The following APP variants were observed in gnomAD, a reference collection of about 807,000 sequenced individuals.
APP encodes the protein amyloid-beta precursor protein.
In APP, 31 loss-of-function variants were observed where a neutral mutation model predicts 101.4. The ratio of observed to expected loss-of-function variants is 0.31; its 90% CI spans 0.23 to 0.41. The LOEUF (loss-of-function observed/expected upper bound fraction) is 0.41, where lower values mean the gene tolerates loss of function less well. Ranked by LOEUF, APP falls within the 10% of genes least tolerant of loss-of-function variation. The pLI is 1.00. For missense variants in APP, 839 were observed against 1,003.7 expected (o/e 0.84, Z 2.22); for synonymous variants, 366 against 364.4 (o/e 1.00, Z -0.05).
intron 14 of APP, among the ~76,000 whole-genome samples, chr21:25,908,652 A>G (rs1336732648): frequency 1.3e-5 from 2 of 151,412 alleles, no homozygotes; most frequent in Non-Finnish European, 2.9e-5. Context: ...TCATCTTGAG[A>G]CAGGCTGATA....
intron 5 of APP, among the ~76,000 whole-genome samples, chr21:26,050,325 G>A (rs2045786154): frequency 6.6e-6 from 1 of 152,168 alleles, no homozygotes; most frequent in Admixed American, 6.5e-5. Context: ...GCCTGAACCA[G>A]ATGGCATTTC....
chr21:26,050,327 T>G (rs1308093480), intron 5 of APP, among the ~76,000 whole-genome samples: 2 of 152,194 alleles, frequency 1.3e-5, no homozygotes, highest in Non-Finnish European at 2.9e-5. Flanking sequence ...CTGAACCAGA[T>G]GGCATTTCCA....
At chr21:26,108,987 C>A (rs949040204) in intron 2 of APP, among the ~76,000 whole-genome samples, 1 of 152,162 alleles carries the variant, frequency 6.6e-6, no homozygotes, top group Non-Finnish European at 1.5e-5. Context: ...AAATGGCTCA[C>A]AAGGTATGAT....
At chr21:26,160,021 C>G (rs1156499323) in intron 1 of APP, among the ~76,000 whole-genome samples, 1 of 152,136 alleles carries the variant, frequency 6.6e-6, no homozygotes, top group African/African-American at 2.4e-5. Flanking sequence ...TTGTCCTGGA[C>G]AGCTCTAATG....
chr21:26,095,281 C>T (rs1240509370), intron 2 of APP, among the ~76,000 whole-genome samples: 1 of 152,228 alleles, frequency 6.6e-6, no homozygotes, highest in African/African-American at 2.4e-5. Context: ...GCCCAGCCAA[C>T]AATAAGTTTT....
At chr21:26,148,574 A>C (rs1432614080) in intron 1 of APP, among the ~76,000 whole-genome samples, 1 of 152,240 alleles carries the variant, frequency 6.6e-6, no homozygotes, top group Non-Finnish European at 1.5e-5. Flanking sequence ...AAATGTTATC[A>C]ATGAAATGTT....
intron 11 of APP, among the ~76,000 whole-genome samples, chr21:25,958,320 A>G (rs1213656697): frequency 1.3e-5 from 2 of 152,208 alleles, no homozygotes; most frequent in African/African-American, 4.8e-5. Context: ...CCTGTCTCCC[A>G]GGCTGGAGTG....
intron 1 of APP, among the ~76,000 whole-genome samples, chr21:26,133,817 T>C (rs1040434037): frequency 1.3e-5 from 2 of 152,154 alleles, no homozygotes; most frequent in African/African-American, 2.4e-5. Flanking sequence ...AACAGTTCCC[T>C]GTCCGTATCA....
At chr21:25,991,503 G>C (rs757942190) in intron 8 of APP, among the ~76,000 whole-genome samples, 41 of 152,030 alleles carry the variant, frequency 2.7e-4, no homozygotes, top group Non-Finnish European at 4.6e-4. Flanking sequence ...TCAGCCTCCT[G>C]AGTAGGTGGG....
intron 3 of APP, among the ~76,000 whole-genome samples, chr21:26,072,362 T>C (rs1339704225): frequency 6.6e-6 from 1 of 152,208 alleles, no homozygotes; most frequent in Non-Finnish European, 1.5e-5. Context: ...CATTCTCTTC[T>C]TCCTAGTTAT....
At chr21:26,014,583 T>G (rs1414280561) in intron 6 of APP, among the ~76,000 whole-genome samples, 1 of 152,216 alleles carries the variant, frequency 6.6e-6, no homozygotes, top group East Asian at 1.9e-4. Flanking sequence ...TAGGCAGGCC[T>G]GAGAGACTCA....
intron 8 of APP, among the ~76,000 whole-genome samples, chr21:25,992,980 T>C (rs2042926393): frequency 2.0e-5 from 3 of 152,220 alleles, no homozygotes; most frequent in Non-Finnish European, 1.5e-5. Flanking sequence ...TTAAATGGCC[T>C]AGGCATTCAG....
chr21:25,959,872 T>G (rs540561912), intron 11 of APP, among the ~76,000 whole-genome samples: 1 of 152,284 alleles, frequency 6.6e-6, no homozygotes, highest in East Asian at 1.9e-4. Context: ...GGTGAATGTA[T>G]TCACATGTTT....
intron 5 of APP, among the ~76,000 whole-genome samples, chr21:26,022,923 A>G (rs1023682935): frequency 2.8e-5 from 4 of 145,068 alleles, no homozygotes; most frequent in Non-Finnish European, 4.5e-5. Flanking sequence ...GGAAGATGAA[A>G]CTGACTTAAG....
intron 2 of APP, among the ~76,000 whole-genome samples, chr21:26,102,340 C>T (rs1018838918): frequency 2.6e-5 from 4 of 152,006 alleles, no homozygotes; most frequent in African/African-American, 7.2e-5. Flanking sequence ...CTGCCCGCCT[C>T]GGCCTCCCAA....
At chr21:26,018,930 G>A (rs966362365) in intron 6 of APP, among the ~76,000 whole-genome samples, 2 of 152,156 alleles carry the variant, frequency 1.3e-5, no homozygotes, top group African/African-American at 2.4e-5. Flanking sequence ...TCTGTGTTCC[G>A]TCTTAATATC....
At chr21:26,039,886 A>G (rs2045294579) in intron 5 of APP, among the ~76,000 whole-genome samples, 1 of 152,168 alleles carries the variant, frequency 6.6e-6, no homozygotes, top group Non-Finnish European at 1.5e-5. Flanking sequence ...TTAAAATACT[A>G]TAAATAATAA....
chr21:26,157,554 C>G (rs762521869), intron 1 of APP, among the ~76,000 whole-genome samples: 11 of 152,064 alleles, frequency 7.2e-5, no homozygotes, highest in Non-Finnish European at 1.6e-4. Flanking sequence ...AGACAAAATC[C>G]CTACTACAAA....
chr21:25,890,594 C>T (rs535277676), intron 17 of APP, among the ~76,000 whole-genome samples: 2 of 152,174 alleles, frequency 1.3e-5, no homozygotes, highest in East Asian at 3.9e-4. Flanking sequence ...CAAAAATTAG[C>T]CGGGCATGGT....
Sources: gnomAD v4.1 joint callset for allele counts (sites outside exome capture counted in the v4.1 genomes callset) on GRCh38, gnomAD v4.1.1 for gene constraint, MANE v1.5 for transcripts, NCBI Gene and HGNC (gene_info 2026-07-23, HGNC 2026-07-21) for gene names.